BDNF: variants seen among roughly 807,000 people sequenced by gnomAD.
BDNF encodes the protein neurotrophic factor BDNF precursor form.
A neutral mutation model predicts 19.5 loss-of-function variants in BDNF; 1 was observed. That is an observed-to-expected ratio of 0.05 (90% CI 0.02 to 0.24). BDNF has a LOEUF of 0.24. Ranked by LOEUF, BDNF falls within the 10% of genes least tolerant of loss-of-function variation. BDNF has a pLI of 1.00. For missense variants in BDNF, 195 were observed against 317.6 expected (o/e 0.61, Z 2.93); for synonymous variants, 100 against 121.6 (o/e 0.82, Z 1.17).
intron 1 of BDNF, among the ~76,000 whole-genome samples, chr11:27,709,607 C>A (rs186460088): frequency 1.3e-5 from 2 of 152,196 alleles, no homozygotes; most frequent in East Asian, 3.9e-4. Context: ...TTTTAAGGCC[C>A]AGATAGTAGT....
At chr11:27,719,757 G>A in intron 1 of BDNF, 1 of 145,970 alleles carries the variant, frequency 6.9e-6, no homozygotes, top group Admixed American at 6.9e-5. Flanking sequence ...GAAGGGGGGC[G>A]GGAAGGAGGG....
chr11:27,700,582 G>A, upstream of BDNF: 1 of 962,932 alleles, frequency 1.0e-6, no homozygotes, highest in Non-Finnish European at 1.2e-6. Flanking sequence ...ATACCCGTTC[G>A]AGGCGGCCGC....
At position 27,664,642 on chromosome 11, in the gene BDNF, G is replaced by A. The variant is rs552809780; in HGVS notation, c.-21-6057C>T. 7.9e-5 allele frequency among the ~76,000 whole-genome samples: 12 copies of A among 152,246 alleles called. No individual in the cohort carries two copies. In the East Asian group the frequency reaches 1.9e-3, roughly 25 times the overall value. On this transcript the variant is annotated intron_variant, in intron 1 of 1. Coordinates refer to ENST00000356660, the MANE Select transcript of BDNF (RefSeq NM_001709.5). Reference sequence around the variant, plus strand: ...AAAACTTAAAAATTAAAAAAATTAGGTGTGGTGGTGCACACCTGTAGTTTC... The same window carrying A: ...AAAACTTAAAAATTAAAAAAATTAGATGTGGTGGTGCACACCTGTAGTTTC...
intron 1 of BDNF, among the ~76,000 whole-genome samples, chr11:27,667,656 C>CAA (rs1443986775): frequency 6.6e-6 from 1 of 152,002 alleles, no homozygotes; most frequent in Non-Finnish European, 1.5e-5. Context: ...CAACAAAGAT[C>CAA]AAAAGAGACA....
upstream of BDNF, chr11:27,700,475 C>G: frequency 2.0e-6 from 2 of 982,540 alleles, no homozygotes; most frequent in Non-Finnish European, 2.4e-6. Context: ...CCGGGTCAGA[C>G]ATTATTTAGC....
chr11:27,716,444 CACACACACACAG>C (rs1860514212), intron 1 of BDNF, among the ~76,000 whole-genome samples: 1 of 121,200 alleles, frequency 8.3e-6, no homozygotes, highest in Non-Finnish European at 1.7e-5. Context: ...CGCCCATACA[CACACACACACAG>C]ACACACACAC....
At chr11:27,675,014 G>C in intron 1 of BDNF, 1 of 657,500 alleles carries the variant, frequency 1.5e-6, no homozygotes, top group Non-Finnish European at 1.9e-6. Flanking sequence ...GAGAGTTTCG[G>C]TGGATTCCCT....
At position 27,657,708 on chromosome 11, in the gene BDNF, C is replaced by A. The variant is rs1190813445; in HGVS notation, c.*113G>T. The A allele has an allele frequency of 2.0e-6, 3 of 1,518,744 alleles. No individual in the cohort carries two copies. Among genetic ancestry groups the A allele is most frequent in the South Asian group, 1.3e-5 (1 of 78,208 alleles). The allele number at this position is 1,518,744 out of a possible 1,614,324, so 94.1% of individuals were successfully genotyped here. A position where few individuals can be genotyped will look rare whatever the true frequency, so the allele number is the denominator to read the frequency against. On this transcript the variant is annotated 3_prime_UTR_variant, in exon 2 of 2. Coordinates refer to ENST00000356660, the MANE Select transcript of BDNF (RefSeq NM_001709.5). The surrounding 1 kb of genome is among the most constrained non-coding windows in gnomAD (Gnocchi z 5.0). Reference sequence around the variant, plus strand: ...CTGTACTGTATAAACTTCATTTATACATGCAGTTCATAAAATTATTTTTTT... The same window carrying A: ...CTGTACTGTATAAACTTCATTTATAAATGCAGTTCATAAAATTATTTTTTT...
Position 27,660,282 on chromosome 11 carries a change from C to T in BDNF, c.-21-1697G>A, listed in dbSNP as rs956510594. ...GACTTTATTACCATCCCTAAACACACAAAAAAATTTCTTTTAGATTTACTC... is the reference window on the plus strand; with the variant it reads ...GACTTTATTACCATCCCTAAACACATAAAAAAATTTCTTTTAGATTTACTC... On this transcript the variant is annotated intron_variant, in intron 1 of 1. Coordinates refer to ENST00000356660, the MANE Select transcript of BDNF (RefSeq NM_001709.5). 7 of 1,227,464 alleles carry T rather than the reference C, an allele frequency of 5.7e-6. No homozygotes were observed. In the Admixed American group the frequency reaches 1.8e-4, roughly 32 times the overall value. 76.0% of individuals were successfully genotyped at this position (1,227,464 alleles called of 1,614,324 possible).
chr11:27,667,912 C>T lies in BDNF; in HGVS notation c.-21-9327G>A, dbSNP rs193069165. On this transcript the variant is annotated intron_variant, in intron 1 of 1. Transcript: ENST00000356660. ...AAATTGAACTCAGCTCTGCACCAAG[C>T]GGACCTAATAGACATCTACAGAACT... 2.8e-4 allele frequency among the ~76,000 whole-genome samples: 42 copies of T among 152,250 alleles called. No individual in the cohort carries two copies. In the East Asian group the frequency reaches 5.0e-3, roughly 18 times the overall value.
chr11:27,669,935 G>C (rs1855053348), intron 1 of BDNF, among the ~76,000 whole-genome samples: 1 of 152,148 alleles, frequency 6.6e-6, no homozygotes, highest in African/African-American at 2.4e-5. Context: ...AACCAAAAAA[G>C]AGCCCGCATC....
At chr11:27,696,208 A>C (rs536626675) in intron 1 of BDNF, 1 of 152,336 alleles carries the variant, frequency 6.6e-6, no homozygotes, top group South Asian at 2.1e-4. Flanking sequence ...CCTTAAGTAG[A>C]AGTTTAAGAG....
chr11:27,713,889 G>C (rs2134108713), intron 1 of BDNF, among the ~76,000 whole-genome samples: 1 of 152,314 alleles, frequency 6.6e-6, no homozygotes, highest in African/African-American at 2.4e-5. Context: ...CTTAAATCCA[G>C]AGGTTGCATG....
chr11:27,657,449 T>G lies in BDNF; in HGVS notation c.*372A>C, dbSNP rs957991972. 14 of 1,005,878 alleles carry G rather than the reference T, an allele frequency of 1.4e-5. No individual in the cohort carries two copies. The highest frequency in any genetic ancestry group is 6.1e-5 in the Admixed American group (1 of 16,512). The allele number at this position is 1,005,878 out of a possible 1,614,324, so 62.3% of individuals were successfully genotyped here. A position where few individuals can be genotyped will look rare whatever the true frequency, so the allele number is the denominator to read the frequency against. ...CGGAATGTTTTGGTTCAAATTTTTG[T>G]TGTGTGTGTGTGTGTTTTTTTTCTG... On this transcript the variant is annotated 3_prime_UTR_variant, in exon 2 of 2. Coordinates refer to ENST00000356660, the MANE Select transcript of BDNF (RefSeq NM_001709.5). The surrounding 1 kb of genome is among the most constrained non-coding windows in gnomAD (Gnocchi z 5.0).
chr11:27,699,783 C>A, intron 1 of BDNF: 1 of 1,103,052 alleles, frequency 9.1e-7, no homozygotes, highest in Non-Finnish European at 1.2e-6. Flanking sequence ...CCCCAGCACC[C>A]TCCCCTCAGT....
chr11:27,718,291 T>C (rs1314216717), intron 1 of BDNF, among the ~76,000 whole-genome samples: 1 of 151,684 alleles, frequency 6.6e-6, no homozygotes, highest in Non-Finnish European at 1.5e-5. Flanking sequence ...GGTTGCCGCC[T>C]GATTGGAAAA....
At chr11:27,663,322 A>G (rs1333677916) in intron 1 of BDNF, among the ~76,000 whole-genome samples, 1 of 152,244 alleles carries the variant, frequency 6.6e-6, no homozygotes, top group Non-Finnish European at 1.5e-5. Flanking sequence ...CCATTAATTC[A>G]ACCACATCTA....
At chr11:27,671,432 CAG>C (rs776807576) in intron 1 of BDNF, among the ~76,000 whole-genome samples, 2 of 151,782 alleles carry the variant, frequency 1.3e-5, no homozygotes, top group Non-Finnish European at 2.9e-5. Flanking sequence ...GAGAGAGAGA[CAG>C]AAAAACAAAT....
At position 27,695,104 on chromosome 11, in the gene BDNF, G is replaced by A. The variant is rs148725518; in HGVS notation, c.-22+5060C>T. On this transcript the variant is annotated intron_variant, in intron 1 of 1. Transcript: ENST00000356660. The stretch of plus-strand genomic sequence containing the variant: ...TACACACTCACAAGATCTGAATATG[G>A]TAACAAGGAAATCCTAGTAACTGTA... Among the ~76,000 whole-genome samples the A allele has an allele frequency of 2.7e-3, 409 of 152,140 alleles. 3 individuals are homozygous for A. The highest frequency in any genetic ancestry group is 8.9e-3 in the African/African-American group (369 of 41,504).
Sources: allele counts gnomAD v4.1 joint callset (sites outside exome capture counted in the v4.1 genomes callset), GRCh38; gene constraint gnomAD v4.1.1; non-coding constraint Gnocchi (gnomAD v3.1); transcripts MANE v1.5; gene names NCBI Gene and HGNC (gene_info 2026-07-23, HGNC 2026-07-21).